The following TMEM87B variants were observed in gnomAD, a reference collection of about 807,000 sequenced individuals.
TMEM87B encodes the protein transmembrane protein 87B.
TMEM87B carries 83 observed loss-of-function variants against 80.3 expected under a neutral mutation model. The ratio of observed to expected loss-of-function variants is 1.03; its 90% CI spans 0.87 to 1.24. The LOEUF (loss-of-function observed/expected upper bound fraction) is 1.24, where lower values mean the gene tolerates loss of function less well. TMEM87B is among the 50% of genes most tolerant of loss of function. The pLI is 0.00. For missense variants in TMEM87B, 625 were observed against 674.4 expected (o/e 0.93, Z 0.81); for synonymous variants, 219 against 230.5 (o/e 0.95, Z 0.45).
chr2:112,062,741 A>G (rs930003186), intron 2 of TMEM87B, among the ~76,000 whole-genome samples: 4 of 152,106 alleles, frequency 2.6e-5, no homozygotes, highest in Non-Finnish European at 5.9e-5. Flanking sequence ...TTCTTTTAGG[A>G]TGGTTCTGCA....
At chr2:112,101,614 C>A (rs1170845286) in intron 15 of TMEM87B, among the ~76,000 whole-genome samples, 1 of 152,080 alleles carries the variant, frequency 6.6e-6, no homozygotes, top group South Asian at 2.1e-4. Context: ...TGTATTCTTA[C>A]AATAAAGTAG....
Position 112,056,351 on chromosome 2 carries a change from A to T in TMEM87B, c.165+595A>T, listed in dbSNP as rs567480611. Among the ~76,000 whole-genome samples, 238 of 151,800 alleles carry T rather than the reference A, an allele frequency of 1.6e-3. 3 individuals carry two copies. The highest frequency in any genetic ancestry group is 5.2e-3 in the African/African-American group (217 of 41,374). On this transcript the variant is annotated intron_variant, in intron 1 of 18. Transcript: ENST00000283206. ...TTCCTGTCACAGTTCCGGGAGAGAG[A>T]GTGTGTGTGTAGGTGGGGCGGGACT...
rs1373525122 is a variant in TMEM87B at position 112,116,226 on chromosome 2, C to T, written c.*83C>T. On this transcript the variant is annotated 3_prime_UTR_variant, in exon 19 of 19. Coordinates refer to ENST00000283206, the MANE Select transcript of TMEM87B (RefSeq NM_032824.3). ...AAAGTGAGCTTTGATTTGATATTGC[C>T]TAAAAATTTTTATTGTGTTATCTTG... 4.0e-6 allele frequency: 5 copies of T among 1,248,676 alleles called. No individual in the cohort carries two copies. The highest frequency in any genetic ancestry group is 4.5e-6 in the Non-Finnish European group (4 of 890,932). The allele number at this position is 1,248,676 out of a possible 1,614,324, so 77.3% of individuals were successfully genotyped here. A position where few individuals can be genotyped will look rare whatever the true frequency, so the allele number is the denominator to read the frequency against.
At chr2:112,107,614 A>G (rs759908570) in intron 16 of TMEM87B, among the ~76,000 whole-genome samples, 174 bp from the exon 17 acceptor site, 5 of 152,220 alleles carry the variant, frequency 3.3e-5, no homozygotes, top group African/African-American at 4.8e-5. Flanking sequence ...TTGCGTGTGT[A>G]AGAAAACAGT....
At chr2:112,109,375 G>T (rs1340919527) in intron 17 of TMEM87B, among the ~76,000 whole-genome samples, 1 of 151,928 alleles carries the variant, frequency 6.6e-6, no homozygotes, top group Non-Finnish European at 1.5e-5. Context: ...TATAGGATAG[G>T]TCTGCTGACA....
rs1259943141 is a variant in TMEM87B, at chr2:112,119,103, T to C, written c.*2960T>C. On this transcript the variant is annotated 3_prime_UTR_variant, in exon 19 of 19. Coordinates refer to ENST00000283206, the MANE Select transcript of TMEM87B (RefSeq NM_032824.3). Reference sequence around the variant, plus strand: ...GGAGCTCAGTACTGCATGAAGAGACTTCATTAAAACTAAGAAAACATTTAT... The same window carrying C: ...GGAGCTCAGTACTGCATGAAGAGACCTCATTAAAACTAAGAAAACATTTAT... The C allele has an allele frequency of 1.3e-5, 2 of 152,206 alleles. No homozygotes were observed. Among genetic ancestry groups the C allele is most frequent in the Non-Finnish European group, 2.9e-5 (2 of 68,008 alleles). The allele number at this position is 152,206 out of a possible 1,614,324, so 9.4% of individuals were successfully genotyped here. A position where few individuals can be genotyped will look rare whatever the true frequency, so the allele number is the denominator to read the frequency against.
rs77769851 is a variant in TMEM87B at position 112,098,871 on chromosome 2, A to G, written c.1376+173A>G. Among the ~76,000 whole-genome samples, 11 of 152,338 alleles carry G rather than the reference A, an allele frequency of 7.2e-5. No homozygotes were observed. The East Asian group carries it at 2.1e-3, about 29-fold the overall frequency. The stretch of plus-strand genomic sequence containing the variant: ...CAGTGAAAAAAGAGATGTATAGACT[A>G]GTCCAGGGGAAGATGGAAGAGGGTT... On this transcript the variant is annotated intron_variant, in intron 14 of 18. Transcript: ENST00000283206.
chr2:112,078,969 CTT>C (rs544806518), intron 6 of TMEM87B, among the ~76,000 whole-genome samples: 2 of 152,068 alleles, frequency 1.3e-5, no homozygotes, highest in Admixed American at 6.6e-5. Context: ...AGAGGGATCT[CTT>C]TTTTTCTTTT....
intron 1 of TMEM87B, among the ~76,000 whole-genome samples, chr2:112,056,662 T>C (rs1678077555): frequency 6.6e-6 from 1 of 152,198 alleles, no homozygotes; most frequent in Admixed American, 6.5e-5. Context: ...GAGACTTATA[T>C]TTTGATTTCC....
At chr2:112,075,626 AT>A (rs1479095485) in intron 5 of TMEM87B, among the ~76,000 whole-genome samples, 1 of 152,178 alleles carries the variant, frequency 6.6e-6, no homozygotes, top group Non-Finnish European at 1.5e-5. Context: ...TGGGAGGGAA[AT>A]TTTGGCATTC....
chr2:112,111,957 C>T (rs539335545), intron 17 of TMEM87B, among the ~76,000 whole-genome samples: 3 of 152,294 alleles, frequency 2.0e-5, no homozygotes, highest in African/African-American at 7.2e-5. Context: ...AGGTGCCAAG[C>T]GTGTAGCAGA....
rs1558855762 is a variant in TMEM87B at position 112,116,156 on chromosome 2, T to C, written c.*13T>C. 4.3e-6 allele frequency: 7 copies of C among 1,609,250 alleles called. No homozygotes were observed. Among genetic ancestry groups the C allele is most frequent in the Non-Finnish European group, 3.4e-6 (4 of 1,176,992 alleles). ...AAAGATAATGTGATTGGAACCCGTA[T>C]AAGAAATGTAGTTAAGCCTGAAGGA... On this transcript the variant is annotated 3_prime_UTR_variant, in exon 19 of 19. Transcript: ENST00000283206.
intron 2 of TMEM87B, among the ~76,000 whole-genome samples, chr2:112,060,380 A>AAT (rs1245407692): frequency 2.0e-5 from 3 of 152,008 alleles, no homozygotes; most frequent in Admixed American, 6.6e-5. Context: ...ATGAAATACT[A>AAT]ATATATATAT....
Position 112,055,487 on chromosome 2 carries a change from C to T in TMEM87B, c.-105C>T, listed in dbSNP as rs912343070. The T allele has an allele frequency of 3.8e-6, 5 of 1,312,640 alleles. No homozygotes were observed. The highest frequency in any genetic ancestry group is 3.1e-5 in the East Asian group (1 of 32,496). 81.3% of individuals were successfully genotyped at this position (1,312,640 alleles called of 1,614,324 possible). ...GCGAGCCCCTCCTCCACACCCGAGT[C>T]CGAGCCCCGCGTCCCGGATTCGGAC... On this transcript the variant is annotated 5_prime_UTR_variant, in exon 1 of 19. Transcript: ENST00000283206.
At chr2:112,107,712 T>TTATA in intron 16 of TMEM87B, 76 bp from the exon 17 acceptor site, 1 of 733,156 alleles carries the variant, frequency 1.4e-6, no homozygotes. Flanking sequence ...AACACTTAAG[T>TTATA]TATATATATA....
intron 15 of TMEM87B, among the ~76,000 whole-genome samples, chr2:112,102,023 T>A (rs1679643993): frequency 6.6e-6 from 1 of 152,208 alleles, no homozygotes; most frequent in Admixed American, 6.5e-5. Flanking sequence ...TAATTTAAAA[T>A]CTTCCTATGA....
At chr2:112,058,093 C>G (rs1678136359) in intron 1 of TMEM87B, among the ~76,000 whole-genome samples, 1 of 152,206 alleles carries the variant, frequency 6.6e-6, no homozygotes, top group Admixed American at 6.5e-5. Flanking sequence ...TCCCAAAGTT[C>G]TGGGATTACG....
At chr2:112,076,794 A>G (rs1014635776) in intron 5 of TMEM87B, among the ~76,000 whole-genome samples, 27 of 152,074 alleles carry the variant, frequency 1.8e-4, no homozygotes, top group Non-Finnish European at 3.4e-4. Context: ...GTGTTTAAAA[A>G]ATAAGAGAAA....
Position 112,064,166 on chromosome 2 carries a change from G to T in TMEM87B, c.231G>T (p.Lys77Asn). Residue 77 changes from lysine (K) to asparagine (N), a missense_variant, in exon 3 of 19, where the codon AAG becomes AAT. Physicochemically the swap from Lys to Asn is moderately conservative, Grantham distance 94 (BLOSUM62 0). Transcript: ENST00000283206. Reference sequence around the variant, plus strand: ...AGACTTTCTTTTTCTAAACAGTTAAGTCATTCCATTGTTCTGGGCCTGTGA... The same window carrying T: ...AGACTTTCTTTTTCTAAACAGTTAATTCATTCCATTGTTCTGGGCCTGTGA... The part of the protein sequence containing the change: ...FNSTDIKLSV[K>N]SFHCSGPVKF... 1 of 1,613,368 alleles carries T rather than the reference G, an allele frequency of 6.2e-7. No homozygotes were observed. Among genetic ancestry groups the T allele is most frequent in the Non-Finnish European group, 8.5e-7 (1 of 1,179,666 alleles).
Sources: allele counts gnomAD v4.1 joint callset (sites outside exome capture counted in the v4.1 genomes callset), GRCh38; gene constraint gnomAD v4.1.1; transcripts MANE v1.5; gene names NCBI Gene and HGNC (gene_info 2026-07-23, HGNC 2026-07-21).